Variants in FHIT observed in about 807,000 individuals in gnomAD.
The protein encoded by FHIT is fragile histidine triad diadenosine triphosphatase, also known as bis(5'-adenosyl)-triphosphatase.
FHIT carries 19 observed loss-of-function variants against 17.9 expected under a neutral mutation model. That is an observed-to-expected ratio of 1.06 (90% confidence interval 0.74 to 1.56). The LOEUF (loss-of-function observed/expected upper bound fraction) is 1.56. FHIT is among the 40% of genes most tolerant of loss of function. The pLI is 0.00. For missense variants in FHIT, 248 were observed against 189.2 expected (o/e 1.31, Z -1.82); for synonymous variants, 81 against 69.7 (o/e 1.16, Z -0.81).
chr3:60,836,417 A>C (rs1553743843), intron 3 of FHIT, among the ~76,000 whole-genome samples: 1 of 152,192 alleles, frequency 6.6e-6, no homozygotes, highest in Non-Finnish European at 1.5e-5. Context: ...ATTTATTTTC[A>C]GGGAGTTTTT....
chr3:60,574,944 G>C (rs146980507), intron 4 of FHIT, among the ~76,000 whole-genome samples: 1 of 151,434 alleles, frequency 6.6e-6, no homozygotes, highest in East Asian at 2.0e-4. Flanking sequence ...TGTCTCTCCA[G>C]TTGACTCTGA....
chr3:60,659,381 C>A (rs1577038005), intron 4 of FHIT, among the ~76,000 whole-genome samples: 1 of 152,020 alleles, frequency 6.6e-6, no homozygotes, highest in South Asian at 2.1e-4. Context: ...CTTTCTCTCT[C>A]TTCTTAAGCT....
At chr3:60,660,172 T>G (rs2040206725) in intron 4 of FHIT, among the ~76,000 whole-genome samples, 1 of 152,134 alleles carries the variant, frequency 6.6e-6, no homozygotes, top group East Asian at 1.9e-4. Flanking sequence ...TGCTAGCCCT[T>G]TAAATCCCCT....
intron 5 of FHIT, among the ~76,000 whole-genome samples, chr3:60,320,111 C>T (rs1202324218): frequency 6.6e-6 from 1 of 152,130 alleles, no homozygotes; most frequent in African/African-American, 2.4e-5. Flanking sequence ...TTAAGTTACA[C>T]CATTTAAAAT....
At chr3:60,903,791 C>A (rs1706245464) in intron 3 of FHIT, among the ~76,000 whole-genome samples, 1 of 152,194 alleles carries the variant, frequency 6.6e-6, no homozygotes, top group African/African-American at 2.4e-5. Flanking sequence ...GATTGTACAT[C>A]TGGCATCAAG....
At chr3:61,243,886 T>C (rs976601315) in intron 1 of FHIT, 1 of 152,060 alleles carries the variant, frequency 6.6e-6, no homozygotes, top group South Asian at 2.1e-4. Flanking sequence ...GCAAAATTTA[T>C]AGTTAGTTCA....
At chr3:60,766,266 C>T (rs1425478744) in intron 4 of FHIT, among the ~76,000 whole-genome samples, 1 of 152,090 alleles carries the variant, frequency 6.6e-6, no homozygotes, top group Non-Finnish European at 1.5e-5. Context: ...TTATTCTCTC[C>T]TCATTGCTGC....
At chr3:61,155,713 T>C (rs2037516914) in intron 2 of FHIT, among the ~76,000 whole-genome samples, 1 of 152,244 alleles carries the variant, frequency 6.6e-6, no homozygotes, top group Non-Finnish European at 1.5e-5. Flanking sequence ...CTGAGGTTGC[T>C]ATTTTTAGAA....
intron 1 of FHIT, among the ~76,000 whole-genome samples, chr3:61,208,819 T>A (rs1334279623): frequency 6.6e-6 from 1 of 152,080 alleles, no homozygotes; most frequent in Non-Finnish European, 1.5e-5. Flanking sequence ...CATTTACATT[T>A]AAGGTTAATA....
intron 7 of FHIT, among the ~76,000 whole-genome samples, chr3:59,949,608 G>C (rs1223993579): frequency 2.6e-5 from 4 of 152,206 alleles, no homozygotes; most frequent in East Asian, 1.9e-4. Flanking sequence ...AGATGTGTTA[G>C]TGATTAATTT....
intron 4 of FHIT, among the ~76,000 whole-genome samples, chr3:60,571,287 G>C (rs2037370014): frequency 7.9e-6 from 1 of 126,678 alleles, no homozygotes; most frequent in South Asian, 2.6e-4. Context: ...AGTGAGCTGA[G>C]ATTGCATCAC....
chr3:60,431,274 G>T (rs189720639), intron 5 of FHIT, among the ~76,000 whole-genome samples: 1 of 151,166 alleles, frequency 6.6e-6, no homozygotes, highest in Non-Finnish European at 1.5e-5. Context: ...CAACATTCTT[G>T]CTCCATCATT....
rs202223550 is a variant in FHIT at position 59,966,658 on chromosome 3, G to C, written c.280-44244C>G. ...TCTAAATAAATATAGAAAAGATACA[G>C]TAAAACTATGGTATAAAAGATAAGA... is the stretch of plus-strand genomic sequence containing the variant. On this transcript the variant is annotated intron_variant, in intron 7 of 9. Transcript: ENST00000492590. 2.6e-5 allele frequency among the ~76,000 whole-genome samples: 4 copies of C among 152,146 alleles called. No homozygotes were observed. The East Asian group carries it at 5.8e-4, about 22-fold the overall frequency.
intron 5 of FHIT, among the ~76,000 whole-genome samples, chr3:60,285,418 ATGAG>A (rs1416331585): frequency 2.0e-5 from 3 of 152,278 alleles, no homozygotes; most frequent in South Asian, 2.1e-4. Flanking sequence ...ATACTATAGA[ATGAG>A]TGAGATAAAT....
At chr3:60,610,298 A>G (rs957876997) in intron 4 of FHIT, among the ~76,000 whole-genome samples, 1 of 152,284 alleles carries the variant, frequency 6.6e-6, no homozygotes, top group Admixed American at 6.5e-5. Context: ...TTAAATATTT[A>G]TACAGTGCTT....
chr3:61,022,070 A>G (rs1221879998), intron 3 of FHIT, among the ~76,000 whole-genome samples: 1 of 152,196 alleles, frequency 6.6e-6, no homozygotes, highest in African/African-American at 2.4e-5. Context: ...GGGTTTTTGA[A>G]AAGATTAACA....
intron 8 of FHIT, among the ~76,000 whole-genome samples, chr3:59,826,546 T>C (rs1700985026): frequency 2.0e-5 from 3 of 152,256 alleles, no homozygotes; most frequent in African/African-American, 4.8e-5. Context: ...TTGGTAAGTA[T>C]GTGTAAGGCT....
intron 2 of FHIT, among the ~76,000 whole-genome samples, chr3:61,107,150 G>C (rs1471110330): frequency 6.6e-6 from 1 of 151,950 alleles, no homozygotes; most frequent in Non-Finnish European, 1.5e-5. Context: ...GCCAACTCCT[G>C]GTAACCACCA....
At chr3:60,174,985 A>C (rs995306440) in intron 5 of FHIT, among the ~76,000 whole-genome samples, 3 of 152,172 alleles carry the variant, frequency 2.0e-5, no homozygotes, top group Admixed American at 1.3e-4. Context: ...TGACTGTGTG[A>C]ACGAAAGGAT....
Sources: allele counts gnomAD v4.1 joint callset (sites outside exome capture counted in the v4.1 genomes callset), GRCh38; gene constraint gnomAD v4.1.1; transcripts MANE v1.5; gene names NCBI Gene and HGNC (gene_info 2026-07-23, HGNC 2026-07-21).